FXR2: variants seen among roughly 807,000 people sequenced by gnomAD.
FXR2 encodes RNA-binding protein FXR2.
Under a neutral mutation model 87.3 loss-of-function variants are expected in FXR2, and 9 were observed. The ratio of observed to expected loss-of-function variants is 0.10; its 90% CI spans 0.06 to 0.18. The LOEUF is 0.18. Ranked by LOEUF, FXR2 falls within the 10% of genes least tolerant of loss-of-function variation. FXR2 has a pLI of 1.00. For missense variants in FXR2, 661 were observed against 893.6 expected (o/e 0.74, Z 3.32); for synonymous variants, 331 against 328.3 (o/e 1.01, Z -0.09).
At position 7,593,891 on chromosome 17, in the gene FXR2, A is replaced by T. The variant is rs1277308287; in HGVS notation, c.1107+27T>A. 6.9e-7 allele frequency: 1 copy of T among 1,448,382 alleles called. No homozygotes were observed. The highest frequency in any genetic ancestry group is 1.7e-5 in the Admixed American group (1 of 59,772). The allele number at this position is 1,448,382 out of a possible 1,614,324, so 89.7% of individuals were successfully genotyped here. ...CAGTCTTAGTTCCCTTTTCACACCC[A>T]GCATTTTTCTCTCCCGGCCTGGGTA... On this transcript the variant is annotated intron_variant, in intron 11 of 16. Transcript: ENST00000250113. The surrounding 1 kb of genome is among the most constrained non-coding windows in gnomAD (Gnocchi z 6.1).
rs200346115 is a variant in FXR2 at position 7,592,291 on chromosome 17, C to T, written c.1889G>A (p.Arg630His). Residue 630 changes from arginine (R) to histidine (H), a missense_variant, in exon 16 of 17, where the codon CGC becomes CAC. This residue lies in a region of FXR2 where 409 missense variants were observed against 432.0 expected (regional missense o/e 0.95). Coordinates refer to ENST00000250113, the MANE Select transcript of FXR2 (RefSeq NM_004860.4). This position sits in a 1 kb window ranked among gnomAD's most constrained non-coding sequence, Gnocchi z 4.8. Reference sequence around the variant, plus strand: ...AAGAGAGTCTTCTGAGGGTTTAGTGCGTTCCAGGGGTGGCCTCTGGCGGCT... The same window carrying T: ...AAGAGAGTCTTCTGAGGGTTTAGTGTGTTCCAGGGGTGGCCTCTGGCGGCT... The part of the protein sequence containing the change: ...SQSRQRPPLE[R>H]TKPSEDSLSG... 1.1e-5 allele frequency: 17 copies of T among 1,612,610 alleles called. No homozygotes were observed. Among genetic ancestry groups the T allele is most frequent in the Middle Eastern group, 1.6e-4 (1 of 6,082 alleles).
Position 7,593,881 on chromosome 17 carries a change from T to C in FXR2, c.1107+37A>G, listed in dbSNP as rs2071687551. 7.4e-7 allele frequency: 1 copy of C among 1,352,744 alleles called. No individual in the cohort carries two copies. Among genetic ancestry groups the C allele is most frequent in the Non-Finnish European group, 1.1e-6 (1 of 941,484 alleles). 83.8% of individuals were successfully genotyped at this position (1,352,744 alleles called of 1,614,324 possible). Reference sequence around the variant, plus strand: ...ACCCCCACAGCAGTCTTAGTTCCCTTTTCACACCCAGCATTTTTCTCTCCC... The same window carrying C: ...ACCCCCACAGCAGTCTTAGTTCCCTCTTCACACCCAGCATTTTTCTCTCCC... On this transcript the variant is annotated intron_variant, in intron 11 of 16. Transcript: ENST00000250113. The surrounding 1 kb of genome is among the most constrained non-coding windows in gnomAD (Gnocchi z 6.1).
rs368317958 is a variant in FXR2, at chr17:7,592,645, C to A, written c.1730-46G>T. ...AGAGTCACACATCCAACCTCCCACC[C>A]TCGATTCCTACCCATCTCTAACTTT... On this transcript the variant is annotated intron_variant, in intron 14 of 16. Coordinates refer to ENST00000250113, the MANE Select transcript of FXR2 (RefSeq NM_004860.4). This position sits in a 1 kb window ranked among gnomAD's most constrained non-coding sequence, Gnocchi z 4.8. The A allele has an allele frequency of 8.1e-6, 13 of 1,612,510 alleles. No individual in the cohort carries two copies. In the African/African-American group the frequency reaches 1.5e-4, roughly 18 times the overall value.
Position 7,594,356 on chromosome 17 carries a change from G to A in FXR2, c.911-9C>T, listed in dbSNP as rs764106751. 1.5e-5 allele frequency: 22 copies of A among 1,515,678 alleles called. No homozygotes were observed. In the South Asian group the frequency reaches 2.5e-4, roughly 17 times the overall value. The allele number at this position is 1,515,678 out of a possible 1,614,324, so 93.9% of individuals were successfully genotyped here. A position where few individuals can be genotyped will look rare whatever the true frequency, so the allele number is the denominator to read the frequency against. Reference sequence around the variant, plus strand: ...CTTTCCAATCACTTTGCCTGGAATAGGTAAATGAGGAATTCAGCCTTTTAT... The same window carrying A: ...CTTTCCAATCACTTTGCCTGGAATAAGTAAATGAGGAATTCAGCCTTTTAT... On this transcript the variant is annotated splice_polypyrimidine_tract_variant and intron_variant, in intron 9 of 16. Transcript: ENST00000250113. This position sits in a 1 kb window ranked among gnomAD's most constrained non-coding sequence, Gnocchi z 5.1.
chr17:7,602,512 G>C (rs992980778), intron 6 of FXR2, among the ~76,000 whole-genome samples: 12 of 151,944 alleles, frequency 7.9e-5, no homozygotes, highest in African/African-American at 2.9e-4. Context: ...AGGTTGCAGT[G>C]AGCCGAGATC....
chr17:7,603,130 T>G (rs2071772821), intron 5 of FXR2, 128 bp from the exon 6 acceptor site: 1 of 577,588 alleles, frequency 1.7e-6, no homozygotes, highest in South Asian at 2.3e-5. Context: ...GATGATCACT[T>G]GAAGTCAGGA....
intron 7 of FXR2, among the ~76,000 whole-genome samples, chr17:7,598,421 C>T (rs1278673904): frequency 6.6e-6 from 1 of 152,224 alleles, no homozygotes; most frequent in Non-Finnish European, 1.5e-5. Context: ...CGCCAATGCA[C>T]TCCAGCCTGG....
intron 1 of FXR2, among the ~76,000 whole-genome samples, chr17:7,611,031 G>A (rs1056317157): frequency 1.3e-5 from 2 of 152,238 alleles, no homozygotes; most frequent in Non-Finnish European, 2.9e-5. Context: ...TACTGAAGCT[G>A]AGGATGCCAT....
At position 7,593,969 on chromosome 17, in the gene FXR2, C is replaced by T. The variant is rs1243161792; in HGVS notation, c.1056G>A (p.Glu352=). 6.2e-7 allele frequency: 1 copy of T among 1,611,092 alleles called. No individual in the cohort carries two copies. The highest frequency in any genetic ancestry group is 8.5e-7 in the Non-Finnish European group (1 of 1,177,376). Residue 352 remains glutamate, a synonymous_variant, in exon 11 of 17, where the codon GAG becomes GAA. Transcript: ENST00000250113. The surrounding 1 kb of genome is among the most constrained non-coding windows in gnomAD (Gnocchi z 6.1). The part of the protein sequence containing the change: ...MVPFIFVGTR[E]NISNAQALLE... ...GCAAAGCCTGGGCATTGCTGATGTTCTCTCGGGTGCCAACAAAAATGAAGG... is the reference window on the plus strand; with the variant it reads ...GCAAAGCCTGGGCATTGCTGATGTTTTCTCGGGTGCCAACAAAAATGAAGG...
At chr17:7,596,760 C>T (rs917194303) in intron 7 of FXR2, among the ~76,000 whole-genome samples, 2 of 152,188 alleles carry the variant, frequency 1.3e-5, no homozygotes, top group African/African-American at 4.8e-5. Context: ...TTACCTTAAT[C>T]AAACAAATAT....
intron 3 of FXR2, 38 bp from the exon 4 acceptor site, chr17:7,604,118 C>T (rs1260193284): frequency 6.9e-7 from 1 of 1,446,732 alleles, no homozygotes. Context: ...TATTGAAGAC[C>T]ACCCAAAAGC....
intron 7 of FXR2, among the ~76,000 whole-genome samples, chr17:7,599,767 A>G (rs1046622786): frequency 4.6e-5 from 7 of 152,086 alleles, no homozygotes; most frequent in Non-Finnish European, 1.0e-4. Flanking sequence ...AATCCCAGCT[A>G]CTTGGGAGGC....
chr17:7,606,248 G>C, intron 1 of FXR2, 99 bp from the exon 2 acceptor site: 1 of 751,058 alleles, frequency 1.3e-6, no homozygotes, highest in South Asian at 1.6e-5. Flanking sequence ...TTAAACTTGA[G>C]TTTTAGATAG....
At chr17:7,601,306 G>A in intron 7 of FXR2, 103 bp downstream of exon 7, 1 of 710,862 alleles carries the variant, frequency 1.4e-6, no homozygotes, top group Non-Finnish European at 2.6e-6. Context: ...CCCAGAAAAA[G>A]CCTTAGTCTT....
chr17:7,592,951 T>C lies in FXR2; in HGVS notation c.1528+33A>G. The C allele has an allele frequency of 6.5e-7, 1 of 1,549,360 alleles. No individual in the cohort carries two copies. The highest frequency in any genetic ancestry group is 8.7e-7 in the Non-Finnish European group (1 of 1,148,434). ...GTCAGGTGCCCATCATCTTTCCTTTTGGCCCATATTCATGAACCCAGCTGT... is the reference window on the plus strand; with the variant it reads ...GTCAGGTGCCCATCATCTTTCCTTTCGGCCCATATTCATGAACCCAGCTGT... On this transcript the variant is annotated intron_variant, in intron 13 of 16. Coordinates refer to ENST00000250113, the MANE Select transcript of FXR2 (RefSeq NM_004860.4). This position sits in a 1 kb window ranked among gnomAD's most constrained non-coding sequence, Gnocchi z 4.8.
Position 7,591,648 on chromosome 17 carries a change from G to A in FXR2, c.*182C>T. 1.6e-6 allele frequency: 1 copy of A among 617,026 alleles called. No individual in the cohort carries two copies. Among genetic ancestry groups the A allele is most frequent in the South Asian group, 1.8e-5 (1 of 54,140 alleles). The allele number at this position is 617,026 out of a possible 1,614,324, so 38.2% of individuals were successfully genotyped here. The stretch of plus-strand genomic sequence containing the variant: ...TGGGGGTAGGGTGGACAAGAGGGAG[G>A]GGGTATGACCCTGTTACACACCCCT... On this transcript the variant is annotated 3_prime_UTR_variant, in exon 17 of 17. Coordinates refer to ENST00000250113, the MANE Select transcript of FXR2 (RefSeq NM_004860.4). The surrounding 1 kb of genome is among the most constrained non-coding windows in gnomAD (Gnocchi z 4.0).
In FXR2 at chr17:7,594,226, C is replaced by T. The variant is rs2071690246; in HGVS notation, c.1020+12G>A. 1 of 1,465,752 alleles carries T rather than the reference C, an allele frequency of 6.8e-7. No individual in the cohort carries two copies. The highest frequency in any genetic ancestry group is 9.6e-7 in the Non-Finnish European group (1 of 1,045,500). The allele number at this position is 1,465,752 out of a possible 1,614,324, so 90.8% of individuals were successfully genotyped here. The stretch of plus-strand genomic sequence containing the variant: ...AAACCAATCTCTATGCCCACTTGCC[C>T]CGTACCCATACCTCCTCCCTGGGGT... On this transcript the variant is annotated intron_variant, in intron 10 of 16. Coordinates refer to ENST00000250113, the MANE Select transcript of FXR2 (RefSeq NM_004860.4). The surrounding 1 kb of genome is among the most constrained non-coding windows in gnomAD (Gnocchi z 5.1).
At chr17:7,599,962 A>C (rs2071739958) in intron 7 of FXR2, among the ~76,000 whole-genome samples, 1 of 151,692 alleles carries the variant, frequency 6.6e-6, no homozygotes, top group South Asian at 2.1e-4. Context: ...CAATGGTGTG[A>C]TCTCGGCTCA....
Position 7,593,023 on chromosome 17 carries a change from G to A in FXR2, c.1489C>T (p.Arg497Trp), listed in dbSNP as rs527575662. 78 of 1,575,354 alleles carry A rather than the reference G, an allele frequency of 5.0e-5. No individual in the cohort carries two copies. Among genetic ancestry groups the A allele is most frequent in the Middle Eastern group, 1.7e-4 (1 of 5,864 alleles). ...GRGRGPPPAP[R>W]PTSRYNSSSI... ...GAAGAATTGTATCTCGAAGTGGGCCGGGGGGCAGGTGGGGGTCCCCTACCC... is the reference window on the plus strand; with the variant it reads ...GAAGAATTGTATCTCGAAGTGGGCCAGGGGGCAGGTGGGGGTCCCCTACCC... Residue 497 changes from arginine to tryptophan, a missense_variant, in exon 13 of 17, where the codon CGG (arginine) becomes TGG (tryptophan). By Grantham distance (101) the Arg-to-Trp change is moderately radical (BLOSUM62 -3). Coordinates refer to ENST00000250113, the MANE Select transcript of FXR2 (RefSeq NM_004860.4). This position sits in a 1 kb window ranked among gnomAD's most constrained non-coding sequence, Gnocchi z 6.1.
Sources: allele counts gnomAD v4.1 joint callset (sites outside exome capture counted in the v4.1 genomes callset), GRCh38; gene constraint gnomAD v4.1.1; regional missense constraint gnomAD v4.1.1; non-coding constraint Gnocchi (gnomAD v3.1); transcripts MANE v1.5; gene names NCBI Gene and HGNC (gene_info 2026-07-23, HGNC 2026-07-21).